The following SPOCK3 variants were observed in gnomAD, a reference collection of about 807,000 sequenced individuals.
The protein encoded by SPOCK3 is testican-3.
In SPOCK3, 30 loss-of-function variants were observed where a neutral mutation model predicts 56.6. The observed-to-expected ratio is 0.53, with a 90% confidence interval of 0.40 to 0.72. The LOEUF (loss-of-function observed/expected upper bound fraction) is 0.72, where lower values mean the gene tolerates loss of function less well. Among genes scored for constraint, SPOCK3 ranks in the 30% least tolerant of loss-of-function variants. The pLI is 0.00. For missense variants in SPOCK3, 527 were observed against 530.0 expected, an observed-to-expected ratio of 0.99 and a Z score of 0.06; for synonymous variants, 196 against 183.3, an observed-to-expected ratio of 1.07 and a Z score of -0.56.
intron 2 of SPOCK3, among the ~76,000 whole-genome samples, chr4:167,162,875 A>G (rs1444190632): frequency 2.6e-5 from 4 of 152,030 alleles, no homozygotes; most frequent in Non-Finnish European, 5.9e-5. Flanking sequence ...GCAAAATTAT[A>G]GTGGAAAAAT....
At chr4:167,131,421 T>C (rs1204739661) in intron 2 of SPOCK3, among the ~76,000 whole-genome samples, 1 of 151,992 alleles carries the variant, frequency 6.6e-6, no homozygotes, top group African/African-American at 2.4e-5. Context: ...ACCCCATCTC[T>C]ACTAAAAATA....
chr4:166,969,230 T>C (rs969342321), intron 4 of SPOCK3, among the ~76,000 whole-genome samples: 1 of 152,112 alleles, frequency 6.6e-6, no homozygotes, highest in East Asian at 1.9e-4. Flanking sequence ...GACATTTGAG[T>C]TAAGGCTGGA....
intron 6 of SPOCK3, among the ~76,000 whole-genome samples, chr4:166,800,661 C>G (rs974150303): frequency 6.6e-6 from 1 of 151,956 alleles, no homozygotes; most frequent in Non-Finnish European, 1.5e-5. Flanking sequence ...AATTTGTGTA[C>G]AGTGTACAAT....
intron 6 of SPOCK3, among the ~76,000 whole-genome samples, chr4:166,853,010 G>A (rs1369455954): frequency 3.3e-5 from 5 of 152,036 alleles, no homozygotes; most frequent in Non-Finnish European, 7.4e-5. Flanking sequence ...TTTAACCTCA[G>A]TTTCTAGGCT....
At chr4:167,011,208 C>G (rs898917382) in intron 3 of SPOCK3, 2 of 439,246 alleles carry the variant, frequency 4.6e-6, no homozygotes, top group South Asian at 1.6e-5. Context: ...AAAAAAAATG[C>G]GGGAAAAGCT....
At chr4:167,058,591 A>T (rs1755187352) in intron 3 of SPOCK3, among the ~76,000 whole-genome samples, 2 of 152,182 alleles carry the variant, frequency 1.3e-5, no homozygotes, top group Non-Finnish European at 2.9e-5. Context: ...TAATTTATAG[A>T]TTCAATGCCA....
intron 2 of SPOCK3, among the ~76,000 whole-genome samples, chr4:167,177,386 A>G (rs577699225): frequency 1.8e-4 from 27 of 152,170 alleles, no homozygotes; most frequent in Admixed American, 1.7e-3. Context: ...TGCCACTATT[A>G]TCATCACCAC....
intron 3 of SPOCK3, among the ~76,000 whole-genome samples, chr4:167,030,705 A>G (rs746880805): frequency 1.3e-5 from 2 of 152,106 alleles, no homozygotes; most frequent in Non-Finnish European, 2.9e-5. Context: ...AATGTCCCCA[A>G]TAAGAGACTC....
intron 5 of SPOCK3, among the ~76,000 whole-genome samples, chr4:166,898,639 G>A (rs551969537): frequency 6.6e-6 from 1 of 152,258 alleles, no homozygotes; most frequent in East Asian, 1.9e-4. Flanking sequence ...ACATTAGGTA[G>A]TGATGTGCTA....
chr4:167,216,953 A>G (rs1471975756), intron 2 of SPOCK3, among the ~76,000 whole-genome samples: 1 of 152,080 alleles, frequency 6.6e-6, no homozygotes. Context: ...TGACAATAGT[A>G]CAGAGAAATC....
intron 3 of SPOCK3, among the ~76,000 whole-genome samples, chr4:167,043,505 G>A (rs933314702): frequency 2.0e-5 from 3 of 151,984 alleles, no homozygotes; most frequent in African/African-American, 7.2e-5. Flanking sequence ...AAGCAGTGGT[G>A]AAAAGGAACA....
intron 2 of SPOCK3, among the ~76,000 whole-genome samples, chr4:167,219,031 C>A (rs1735638907): frequency 6.6e-6 from 1 of 151,878 alleles, no homozygotes; most frequent in South Asian, 2.1e-4. Flanking sequence ...ATCTCAACTC[C>A]AAAAAAATAT....
chr4:167,149,829 GTA>G (rs1764267405), intron 2 of SPOCK3, among the ~76,000 whole-genome samples: 2 of 70,790 alleles, frequency 2.8e-5, no homozygotes, highest in African/African-American at 1.1e-4. Flanking sequence ...TATATGGTGT[GTA>G]TATATATATG....
At chr4:167,091,331 G>A (rs985040582) in intron 2 of SPOCK3, among the ~76,000 whole-genome samples, 2 of 152,096 alleles carry the variant, frequency 1.3e-5, no homozygotes, top group Admixed American at 1.3e-4. Flanking sequence ...ATTTCATAAT[G>A]AACTGTTCAA....
intron 2 of SPOCK3, among the ~76,000 whole-genome samples, chr4:167,137,423 A>G (rs1034308350): frequency 6.6e-5 from 10 of 152,118 alleles, no homozygotes; most frequent in African/African-American, 2.4e-4. Flanking sequence ...AAAAAATTCA[A>G]TATGGAGGAG....
chr4:167,175,341 T>C (rs1730889278), intron 2 of SPOCK3, among the ~76,000 whole-genome samples: 1 of 152,168 alleles, frequency 6.6e-6, no homozygotes, highest in Non-Finnish European at 1.5e-5. Context: ...ATCACCTTTG[T>C]CAAATCAAAG....
intron 2 of SPOCK3, among the ~76,000 whole-genome samples, chr4:167,080,544 A>G (rs1458150207): frequency 6.6e-6 from 1 of 152,034 alleles, no homozygotes; most frequent in Non-Finnish European, 1.5e-5. Flanking sequence ...ATTCCATTTT[A>G]GGAAAGCAGA....
Position 166,779,656 on chromosome 4 carries a change from T to C in SPOCK3, c.709+12514A>G, listed in dbSNP as rs565412950. Among the ~76,000 whole-genome samples, 8 of 152,148 alleles carry C rather than the reference T, an allele frequency of 5.3e-5. No homozygotes were observed. The South Asian group carries it at 1.7e-3, about 32-fold the overall frequency. On this transcript the variant is annotated intron_variant, in intron 7 of 10. Coordinates refer to ENST00000357545, the MANE Select transcript of SPOCK3 (RefSeq NM_001040159.2). ...AGGTAATATCAAGTGCTATGACATA[T>C]ACATTTGAAGTTCCAGAAGAGAGAA...
At chr4:166,986,431 A>G (rs1238586478) in intron 4 of SPOCK3, among the ~76,000 whole-genome samples, 1 of 152,130 alleles carries the variant, frequency 6.6e-6, no homozygotes. Context: ...GCTAAAGAGA[A>G]ACACATATCA....
Sources: gnomAD v4.1 joint callset for allele counts (sites outside exome capture counted in the v4.1 genomes callset) on GRCh38, gnomAD v4.1.1 for gene constraint, MANE v1.5 for transcripts, NCBI Gene and HGNC (gene_info 2026-07-23, HGNC 2026-07-21) for gene names.